TBC1D8: variants seen among roughly 807,000 people sequenced by gnomAD.
The protein encoded by TBC1D8 is BUB2-like protein 1.
TBC1D8 carries 65 observed loss-of-function variants against 118.8 expected under a neutral mutation model. That is an observed-to-expected ratio of 0.55 (90% CI 0.45 to 0.67). The LOEUF (loss-of-function observed/expected upper bound fraction) is 0.67, where lower values mean the gene tolerates loss of function less well. Ranked by LOEUF, TBC1D8 falls within the 30% of genes least tolerant of loss-of-function variation. The pLI is 0.00. For missense variants in TBC1D8, 1,376 were observed against 1,471.2 expected, an observed-to-expected ratio of 0.94 and a Z score of 1.06; for synonymous variants, 566 against 595.8, an observed-to-expected ratio of 0.95 and a Z score of 0.73.
intron 1 of TBC1D8, among the ~76,000 whole-genome samples, chr2:101,126,137 G>T (rs80041436): frequency 0.12 from 17,796 of 152,188 alleles, 1,286 homozygotes; most frequent in South Asian, 0.21. Context: ...GAAGGGAGCT[G>T]GCATATACAG....
At chr2:101,050,820 T>C (rs561198478) in intron 4 of TBC1D8, among the ~76,000 whole-genome samples, 179 bp from the exon 5 acceptor site, 1 of 152,208 alleles carries the variant, frequency 6.6e-6, no homozygotes, top group Non-Finnish European at 1.5e-5. Flanking sequence ...GGTAAACTCA[T>C]GTCATGCGGG....
chr2:101,094,490 C>G (rs1011245901), intron 1 of TBC1D8, among the ~76,000 whole-genome samples: 12 of 152,160 alleles, frequency 7.9e-5, no homozygotes, highest in African/African-American at 2.9e-4. Flanking sequence ...TTGGCACTTT[C>G]AACTACATTA....
intron 4 of TBC1D8, among the ~76,000 whole-genome samples, chr2:101,051,389 G>A (rs760925858): frequency 1.3e-4 from 20 of 152,138 alleles, no homozygotes; most frequent in Non-Finnish European, 2.5e-4. Flanking sequence ...CTGGACATGG[G>A]AACAGGCAAA....
Position 101,151,213 on chromosome 2 carries a change from A to C in TBC1D8, c.41T>G (p.Leu14Arg). The C allele has an allele frequency of 1.6e-6, 2 of 1,250,048 alleles. No individual in the cohort carries two copies. Among genetic ancestry groups the C allele is most frequent in the African/African-American group, 1.6e-5 (1 of 61,992 alleles). 77.4% of individuals were successfully genotyped at this position (1,250,048 alleles called of 1,614,324 possible). Residue 14 changes from leucine to arginine, a missense_variant, in exon 1 of 20, where the codon CTG becomes CGG. Coordinates refer to ENST00000409318, the MANE Select transcript of TBC1D8 (RefSeq NM_001330348.2). The stretch of plus-strand genomic sequence containing the variant: ...GCTCTTCTGGGTCACCCAGAGCTTC[A>C]GCGCGTTCTTCAGCAGCACCTCCTC... Reference protein sequence around the residue: ...KPEEVLLKNALKLWVTQKSSC... With the variant: ...KPEEVLLKNARKLWVTQKSSC...
rs775644894 is a variant in TBC1D8 at position 101,054,247 on chromosome 2, G to T, written c.492C>A (p.Ala164=). ...TCTCCGCCTCGGGGAAGTTGAACCT[G>T]GCCTCGAACTTCACCAGGGCTTCTC... ...KFREALVKFE[A]RFNFPEAEKL... The change falls in exon 4 of 20, where the codon GCC becomes GCA. Residue 164 remains alanine, a synonymous_variant. Coordinates refer to ENST00000409318, the MANE Select transcript of TBC1D8 (RefSeq NM_001330348.2). The T allele has an allele frequency of 2.5e-6, 4 of 1,605,274 alleles. No homozygotes were observed. The South Asian group carries it at 4.5e-5, about 18-fold the overall frequency.
intron 1 of TBC1D8, among the ~76,000 whole-genome samples, chr2:101,136,413 C>T (rs1011881631): frequency 2.0e-5 from 3 of 152,150 alleles, no homozygotes; most frequent in Admixed American, 6.5e-5. Flanking sequence ...CAGAAGCAGA[C>T]GCCAGGACCA....
rs774859798 is a variant in TBC1D8 at position 101,091,951 on chromosome 2, G to A, written c.128-1587C>T. Among the ~76,000 whole-genome samples, 9 of 152,170 alleles carry A rather than the reference G, an allele frequency of 5.9e-5. No homozygotes were observed. In the East Asian group the frequency reaches 9.6e-4, roughly 16 times the overall value. On this transcript the variant is annotated intron_variant, in intron 1 of 19. Transcript: ENST00000409318. ...GGGCAAGTTACTTACATAACACCCCGTCATATATTTAGTACAAACACAGTA... is the reference window on the plus strand; with the variant it reads ...GGGCAAGTTACTTACATAACACCCCATCATATATTTAGTACAAACACAGTA...
Position 101,050,074 on chromosome 2 carries a change from G to A in TBC1D8, c.872+327C>T, listed in dbSNP as rs183158400. 1.7e-3 allele frequency among the ~76,000 whole-genome samples: 253 copies of A among 152,168 alleles called. 1 individual carries two copies. Among genetic ancestry groups the A allele is most frequent in the African/African-American group, 2.9e-3 (121 of 41,542 alleles). ...GATCTCCTGACCTCGTGATCCACCC[G>A]CCTCAGCCTCCCAAAGTGCTGGGAT... On this transcript the variant is annotated intron_variant, in intron 5 of 19. Coordinates refer to ENST00000409318, the MANE Select transcript of TBC1D8 (RefSeq NM_001330348.2).
rs1422583656 is a variant in TBC1D8, at chr2:101,134,581, C to G, written c.127+16546G>C. ...TCTCTTCTTGGCTTGCAGACAGCCACCTTCTCATAGTGTCCTCACATGGCA... is the reference window on the plus strand; with the variant it reads ...TCTCTTCTTGGCTTGCAGACAGCCAGCTTCTCATAGTGTCCTCACATGGCA... On this transcript the variant is annotated intron_variant, in intron 1 of 19. Coordinates refer to ENST00000409318, the MANE Select transcript of TBC1D8 (RefSeq NM_001330348.2). 2.0e-5 allele frequency among the ~76,000 whole-genome samples: 3 copies of G among 152,134 alleles called. No individual in the cohort carries two copies. The East Asian group carries it at 5.8e-4, about 29-fold the overall frequency.
Position 101,054,125 on chromosome 2 carries a change from AAGG to A in TBC1D8, c.611_613del (p.Ser204del). On this transcript the variant is annotated inframe_deletion, in exon 4 of 20. Transcript: ENST00000409318. ...TCACTTACGTTCCTTGCCCAGGAAG[AAGG>A]AGTAGAAGCAGAGGTGGTTGATGCT... The A allele has an allele frequency of 6.2e-7, 1 of 1,612,226 alleles. No individual in the cohort carries two copies. Among genetic ancestry groups the A allele is most frequent in the Admixed American group, 1.7e-5 (1 of 59,948 alleles).
At chr2:101,076,565 TG>T (rs1182136705) in intron 2 of TBC1D8, among the ~76,000 whole-genome samples, 2 of 152,200 alleles carry the variant, frequency 1.3e-5, no homozygotes, top group African/African-American at 4.8e-5. Context: ...AGTTAAATGA[TG>T]CCCTGAGGGA....
intron 1 of TBC1D8, among the ~76,000 whole-genome samples, chr2:101,100,637 T>A (rs993204382): frequency 6.6e-6 from 1 of 152,164 alleles, no homozygotes; most frequent in Non-Finnish European, 1.5e-5. Flanking sequence ...GATCTCAAAC[T>A]ATACTACAAG....
intron 1 of TBC1D8, among the ~76,000 whole-genome samples, chr2:101,149,364 G>A (rs1005510478): frequency 6.6e-6 from 1 of 152,124 alleles, no homozygotes; most frequent in Admixed American, 6.5e-5. Flanking sequence ...TTGAAGCCAG[G>A]CATCCTATGG....
At chr2:101,084,126 C>T (rs909185753) in intron 2 of TBC1D8, among the ~76,000 whole-genome samples, 7 of 152,178 alleles carry the variant, frequency 4.6e-5, no homozygotes, top group Non-Finnish European at 7.3e-5. Flanking sequence ...AAGCTGATCT[C>T]GGCTCAACAG....
At chr2:101,119,515 G>A (rs1262796063) in intron 1 of TBC1D8, among the ~76,000 whole-genome samples, 1 of 152,178 alleles carries the variant, frequency 6.6e-6, no homozygotes, top group Non-Finnish European at 1.5e-5. Flanking sequence ...TAACTCCCTG[G>A]ATTTCCTTCT....
At chr2:101,115,147 TATCA>T (rs1677764297) in intron 1 of TBC1D8, among the ~76,000 whole-genome samples, 1 of 152,166 alleles carries the variant, frequency 6.6e-6, no homozygotes, top group Non-Finnish European at 1.5e-5. Context: ...TCTCTAAGGC[TATCA>T]CACATTATGA....
intron 3 of TBC1D8, 31 bp from the exon 4 acceptor site, chr2:101,054,367 G>A (rs1332293154): frequency 1.3e-6 from 2 of 1,548,440 alleles, no homozygotes; most frequent in Admixed American, 3.9e-5. Context: ...TCCCTGCTCA[G>A]TGAGCCAGCA....
intron 11 of TBC1D8, among the ~76,000 whole-genome samples, chr2:101,030,620 C>T (rs1430265594): frequency 2.0e-5 from 3 of 152,236 alleles, no homozygotes; most frequent in African/African-American, 4.8e-5. Flanking sequence ...TTAAGTCATA[C>T]ATCTAACCTA....
At chr2:101,126,698 A>G (rs1324777460) in intron 1 of TBC1D8, among the ~76,000 whole-genome samples, 2 of 152,250 alleles carry the variant, frequency 1.3e-5, no homozygotes, top group South Asian at 2.1e-4. Context: ...TAAGCAATAA[A>G]TGTTTCTCAA....
Sources: allele counts gnomAD v4.1 joint callset (sites outside exome capture counted in the v4.1 genomes callset), GRCh38; gene constraint gnomAD v4.1.1; transcripts MANE v1.5; gene names NCBI Gene and HGNC (gene_info 2026-07-23, HGNC 2026-07-21).